SLC25A6: variants seen among roughly 807,000 people sequenced by gnomAD.
SLC25A6 encodes the protein ADP/ATP translocase 3.
SLC25A6 carries 9 observed loss-of-function variants against 25.7 expected under a neutral mutation model. That is an observed-to-expected ratio of 0.35 (90% CI 0.21 to 0.61). The LOEUF (loss-of-function observed/expected upper bound fraction) is 0.61. SLC25A6 is among the 20% of genes least tolerant of loss of function. The pLI is 0.76. For missense variants in SLC25A6, 404 were observed against 440.5 expected (o/e 0.92, Z 0.74); for synonymous variants, 223 against 197.0 (o/e 1.13, Z -1.11).
chrX:1,390,168 A>G (rs1470580831), intron 1 of SLC25A6: 84 of 202,956 alleles, frequency 4.1e-4, no homozygotes, highest in Non-Finnish European at 3.5e-4. Context: ...ACAACCATCA[A>G]GCTCCACTAA....
Position 1,386,347 on chromosome X carries a change from G to T in SLC25A6, c.*255C>A. The T allele has an allele frequency of 8.8e-6, 4 of 454,886 alleles. No homozygotes were observed. Among genetic ancestry groups the T allele is most frequent in the Non-Finnish European group, 1.5e-5 (4 of 262,298 alleles). The allele number at this position is 454,886 out of a possible 1,614,324, so 28.2% of individuals were successfully genotyped here. ...GGACTCTAGGTCTCAGTACTGGAGT[G>T]TCTCACCCATGGGCCCCACGCAGGG... is the stretch of plus-strand genomic sequence containing the variant. On this transcript the variant is annotated 3_prime_UTR_variant, in exon 4 of 4. Coordinates refer to ENST00000381401, the MANE Select transcript of SLC25A6 (RefSeq NM_001636.4).
intron 2 of SLC25A6, 152 bp downstream of exon 2, chrX:1,389,089 G>A (rs1176181788): frequency 1.4e-6 from 1 of 730,192 alleles, no homozygotes; most frequent in Non-Finnish European, 2.2e-6. Context: ...GAGGGCACAG[G>A]GAGAAGACGG....
chrX:1,386,415 G>A lies in SLC25A6; in HGVS notation c.*187C>T, dbSNP rs1289045994. 5.6e-6 allele frequency: 4 copies of A among 708,660 alleles called. No individual in the cohort carries two copies. The highest frequency in any genetic ancestry group is 3.1e-5 in the South Asian group (1 of 32,166). The allele number at this position is 708,660 out of a possible 1,614,324, so 43.9% of individuals were successfully genotyped here. A position where few individuals can be genotyped will look rare whatever the true frequency, so the allele number is the denominator to read the frequency against. On this transcript the variant is annotated 3_prime_UTR_variant, in exon 4 of 4. Coordinates refer to ENST00000381401, the MANE Select transcript of SLC25A6 (RefSeq NM_001636.4). ...CACCCCGTGATCAAGACACGGAATC[G>A]GCTGCCGATGGTTGGATCGCAATGC...
At chrX:1,391,491 A>G (rs1181615908) in intron 1 of SLC25A6, among the ~76,000 whole-genome samples, 1 of 152,188 alleles carries the variant, frequency 6.6e-6, no homozygotes, top group Non-Finnish European at 1.5e-5. Context: ...TCGTTGCCCT[A>G]TTGGCCTTAG....
intron 2 of SLC25A6, among the ~76,000 whole-genome samples, chrX:1,388,834 G>C (rs1330013398): frequency 6.7e-6 from 1 of 150,058 alleles, no homozygotes; most frequent in Non-Finnish European, 1.5e-5. Flanking sequence ...CACACAGAGG[G>C]ACGACCCCGT....
At chrX:1,391,583 G>A (rs1319650751) in intron 1 of SLC25A6, among the ~76,000 whole-genome samples, 13 of 152,214 alleles carry the variant, frequency 8.5e-5, no homozygotes, top group African/African-American at 3.1e-4. Context: ...CGGGGGACCC[G>A]CAGGATTGAG....
Position 1,386,725 on chromosome X carries a change from C to A in SLC25A6, c.774G>T (p.Trp258Cys). 1 of 1,612,596 alleles carries A rather than the reference C, an allele frequency of 6.2e-7. No individual in the cohort carries two copies. ...DIMYTGTVDCWRKIFRDEGGK... is the reference protein window; with the variant it reads ...DIMYTGTVDCCRKIFRDEGGK... ...CCCCCTCATCTCTGAAGATCTTCCTCCAACAGTCGACGGTGCCCGTGTACA... is the reference window on the plus strand; with the variant it reads ...CCCCCTCATCTCTGAAGATCTTCCTACAACAGTCGACGGTGCCCGTGTACA... Residue 258 changes from tryptophan to cysteine, a missense_variant, in exon 4 of 4, where the codon TGG becomes TGT. Transcript: ENST00000381401.
rs1449575292 is a variant in SLC25A6, at chrX:1,391,869, TC to T, written c.111+29del. 5 of 1,535,234 alleles carry T rather than the reference TC, an allele frequency of 3.3e-6. No homozygotes were observed. In the African/African-American group the frequency reaches 6.9e-5, roughly 21 times the overall value. On this transcript the variant is annotated intron_variant, in intron 1 of 3. Coordinates refer to ENST00000381401, the MANE Select transcript of SLC25A6 (RefSeq NM_001636.4). Reference sequence around the variant, plus strand: ...CGGCCACTCGGTTCCCGTCCCCTAGTCCCCGGAGCGGCCGCGCCCGCGTCCC... The same window carrying T: ...CGGCCACTCGGTTCCCGTCCCCTAGTCCCGGAGCGGCCGCGCCCGCGTCCC...
intron 2 of SLC25A6, among the ~76,000 whole-genome samples, chrX:1,388,330 G>C (rs111338474): frequency 0.04 from 6,087 of 150,432 alleles, 189 homozygotes; most frequent in Non-Finnish European, 0.062. Context: ...GCCTCAAATG[G>C]ACTAAGACAT....
In SLC25A6 at chrX:1,386,667, C is replaced by T. The variant is rs2089328714; in HGVS notation, c.832G>A (p.Val278Ile). ...AAGGCGCCCCCCATGCCCCGCAGGA[C>T]GTTGGACCACGCACCCTTGAAGAAG... Reference protein sequence around the residue: ...KAFFKGAWSNVLRGMGGAFVL... With the variant: ...KAFFKGAWSNILRGMGGAFVL... Residue 278 changes from valine (V) to isoleucine (I), a missense_variant, in exon 4 of 4, where the codon GTC becomes ATC. Transcript: ENST00000381401. 9.3e-6 allele frequency: 15 copies of T among 1,612,968 alleles called. No homozygotes were observed. Among genetic ancestry groups the T allele is most frequent in the Non-Finnish European group, 1.2e-5 (14 of 1,179,452 alleles).
rs1480867872 is a variant in SLC25A6 at position 1,389,433 on chromosome X, A to C, written c.406T>G (p.Phe136Val). The change falls in exon 2 of 4, where the codon TTC becomes GTC. Residue 136 changes from phenylalanine to valine, a missense_variant. Phe to Val is a conservative substitution (Grantham distance 50). Coordinates refer to ENST00000381401, the MANE Select transcript of SLC25A6 (RefSeq NM_001636.4). ...TCCGCTGCCAGGCGGGTTCTGGCGA[A>C]ATCCAGCGGGTACACGAAGCAGAGG... Reference protein sequence around the residue: ...TSLCFVYPLDFARTRLAADVG... With the variant: ...TSLCFVYPLDVARTRLAADVG... 3.7e-6 allele frequency: 6 copies of C among 1,613,682 alleles called. No homozygotes were observed. The highest frequency in any genetic ancestry group is 5.1e-6 in the Non-Finnish European group (6 of 1,179,890).
intron 2 of SLC25A6, among the ~76,000 whole-genome samples, chrX:1,387,860 C>T (rs1476361556): frequency 6.6e-6 from 1 of 151,974 alleles, no homozygotes; most frequent in Non-Finnish European, 1.5e-5. Context: ...GGGCCCTGAT[C>T]CTACGACCCC....
In SLC25A6 at chrX:1,386,535, T is replaced by G; in HGVS notation, c.*67A>C. ...TCTCGAAGGTTGATGGTCCGCACGG[T>G]TGAGGATTCTACGTGGTTCTCTTGG... On this transcript the variant is annotated 3_prime_UTR_variant, in exon 4 of 4. Coordinates refer to ENST00000381401, the MANE Select transcript of SLC25A6 (RefSeq NM_001636.4). The G allele has an allele frequency of 7.0e-7, 1 of 1,426,756 alleles. No homozygotes were observed. The highest frequency in any genetic ancestry group is 1.7e-5 in the South Asian group (1 of 60,154). 88.4% of individuals were successfully genotyped at this position (1,426,756 alleles called of 1,614,324 possible).
At chrX:1,391,623 T>C (rs1252564384) in intron 1 of SLC25A6, among the ~76,000 whole-genome samples, 1 of 152,188 alleles carries the variant, frequency 6.6e-6, no homozygotes, top group East Asian at 1.9e-4. Flanking sequence ...AGCCGCAGGG[T>C]CCGTCCATGG....
Position 1,389,494 on chromosome X carries a change from G to A in SLC25A6, c.345C>T (p.Gly115=). ...CGGCCGCACCGCCGGAGGCCAGGTT[G>A]CCCGCAAAGTACCTCCAGAACTGCG... The part of the protein sequence containing the change: ...KHTQFWRYFA[G]NLASGGAAGA... The change falls in exon 2 of 4, where the codon GGC becomes GGT. Residue 115 remains glycine (G), a synonymous_variant. Coordinates refer to ENST00000381401, the MANE Select transcript of SLC25A6 (RefSeq NM_001636.4). 6.2e-7 allele frequency: 1 copy of A among 1,614,146 alleles called. No individual in the cohort carries two copies. Among genetic ancestry groups the A allele is most frequent in the South Asian group, 1.1e-5 (1 of 91,082 alleles).
intron 1 of SLC25A6, among the ~76,000 whole-genome samples, chrX:1,390,951 G>A (rs2089398906): frequency 1.3e-5 from 2 of 151,646 alleles, no homozygotes; most frequent in South Asian, 2.1e-4. Flanking sequence ...TCTTAGAGAT[G>A]GGGTCTTGCT....
rs1324873251 is a variant in SLC25A6 at position 1,386,401 on chromosome X, CA to C, written c.*200del. Reference sequence around the variant, plus strand: ...CCACGGTTCCCTCCCACCCCGTGATCAAGACACGGAATCGGCTGCCGATGGT... The same window carrying C: ...CCACGGTTCCCTCCCACCCCGTGATCAGACACGGAATCGGCTGCCGATGGT... On this transcript the variant is annotated 3_prime_UTR_variant, in exon 4 of 4. Transcript: ENST00000381401. 3.2e-6 allele frequency: 2 copies of C among 632,308 alleles called. No individual in the cohort carries two copies. The highest frequency in any genetic ancestry group is 4.9e-6 in the Non-Finnish European group (2 of 410,774). 39.2% of individuals were successfully genotyped at this position (632,308 alleles called of 1,614,324 possible). A position where few individuals can be genotyped will look rare whatever the true frequency, so the allele number is the denominator to read the frequency against.
chrX:1,389,963 G>C (rs1481558599), intron 1 of SLC25A6, among the ~76,000 whole-genome samples: 20 of 151,966 alleles, frequency 1.3e-4, no homozygotes, highest in Admixed American at 1.1e-3. Flanking sequence ...GTTCCACCAT[G>C]TTAGTCAGGA....
At chrX:1,387,457 C>T (rs2089340910) in intron 2 of SLC25A6, 38 bp from the exon 3 acceptor site, 2 of 1,606,110 alleles carry the variant, frequency 1.2e-6, no homozygotes, top group Non-Finnish European at 1.7e-6. Flanking sequence ...CCAGCGCCTG[C>T]ACGGCCACCC....
Sources: allele counts gnomAD v4.1 joint callset (sites outside exome capture counted in the v4.1 genomes callset), GRCh38; gene constraint gnomAD v4.1.1; transcripts MANE v1.5; gene names NCBI Gene and HGNC (gene_info 2026-07-23, HGNC 2026-07-21).